BTG1: variants seen among roughly 807,000 people sequenced by gnomAD.
BTG1 encodes the protein BTG anti-proliferation factor 1.
BTG1 carries 2 observed loss-of-function variants against 15.2 expected under a neutral mutation model. That is an observed-to-expected ratio of 0.13 (90% CI 0.05 to 0.41). BTG1 has a LOEUF of 0.41. Ranked by LOEUF, BTG1 falls within the 10% of genes least tolerant of loss-of-function variation. The probability of loss-of-function intolerance (pLI) is 0.99; values close to 1 mark genes in which losing one functional copy is unlikely to be tolerated. For missense variants in BTG1, 149 were observed against 215.0 expected, an observed-to-expected ratio of 0.69 and a Z score of 1.92; for synonymous variants, 109 against 82.4, an observed-to-expected ratio of 1.32 and a Z score of -1.75.
chr12:92,143,955 C>G lies in BTG1; in HGVS notation c.*125G>C, dbSNP rs1447889503. On this transcript the variant is annotated 3_prime_UTR_variant, in exon 2 of 2. Coordinates refer to ENST00000256015, the MANE Select transcript of BTG1 (RefSeq NM_001731.3). ...ATTTTTTTTTTTTTTACCATTCTAT[C>G]TTGTGCCAGATCTTCACAGCTGTGA... 3 of 1,201,794 alleles carry G rather than the reference C, an allele frequency of 2.5e-6. No individual in the cohort carries two copies. The Admixed American group carries it at 7.3e-5, about 29-fold the overall frequency. The allele number at this position is 1,201,794 out of a possible 1,614,324, so 74.4% of individuals were successfully genotyped here. A position where few individuals can be genotyped will look rare whatever the true frequency, so the allele number is the denominator to read the frequency against.
At position 92,145,608 on chromosome 12, in the gene BTG1, C is replaced by G; in HGVS notation, c.-73G>C. On this transcript the variant is annotated 5_prime_UTR_variant, in exon 1 of 2. Coordinates refer to ENST00000256015, the MANE Select transcript of BTG1 (RefSeq NM_001731.3). ...CGGCCCCGACGGCGGAGCAGCCACCCCGGGCTTCCTCACCGGGCGGAAGGC... is the reference window on the plus strand; with the variant it reads ...CGGCCCCGACGGCGGAGCAGCCACCGCGGGCTTCCTCACCGGGCGGAAGGC... 3 of 1,106,582 alleles carry G rather than the reference C, an allele frequency of 2.7e-6. No individual in the cohort carries two copies. Among genetic ancestry groups the G allele is most frequent in the Non-Finnish European group, 3.5e-6 (3 of 862,066 alleles). 68.5% of individuals were successfully genotyped at this position (1,106,582 alleles called of 1,614,324 possible). A position where few individuals can be genotyped will look rare whatever the true frequency, so the allele number is the denominator to read the frequency against.
chr12:92,144,666 C>T (rs2136948919), intron 1 of BTG1, among the ~76,000 whole-genome samples: 1 of 152,172 alleles, frequency 6.6e-6, no homozygotes, highest in Admixed American at 6.5e-5. Context: ...TCTCCAGGAA[C>T]CAACCGGTTG....
Position 92,145,704 on chromosome 12 carries a change from T to C in BTG1, c.-169A>G, listed in dbSNP as rs1870545466. 1 of 395,088 alleles carries C rather than the reference T, an allele frequency of 2.5e-6. No individual in the cohort carries two copies. The highest frequency in any genetic ancestry group is 2.1e-5 in the African/African-American group (1 of 47,600). The allele number at this position is 395,088 out of a possible 1,614,324, so 24.5% of individuals were successfully genotyped here. Reference sequence around the variant, plus strand: ...TCTTTCTTTAGACTAAAAAAGTTATTTTCGAGACAGGAGGCGGCAGGAGAG... The same window carrying C: ...TCTTTCTTTAGACTAAAAAAGTTATCTTCGAGACAGGAGGCGGCAGGAGAG... On this transcript the variant is annotated 5_prime_UTR_variant, in exon 1 of 2. Transcript: ENST00000256015.
In BTG1 at chr12:92,140,697, T is replaced by C. The variant is rs1251976547; in HGVS notation, c.*3383A>G. ...TCCAAATATGAAAATAAACCGGTTATATTTTGATAGCAGCCATATATAAAA... is the reference window on the plus strand; with the variant it reads ...TCCAAATATGAAAATAAACCGGTTACATTTTGATAGCAGCCATATATAAAA... On this transcript the variant is annotated 3_prime_UTR_variant, in exon 2 of 2. Coordinates refer to ENST00000256015, the MANE Select transcript of BTG1 (RefSeq NM_001731.3). The C allele has an allele frequency of 1.3e-5, 3 of 232,072 alleles. No individual in the cohort carries two copies. The highest frequency in any genetic ancestry group is 4.4e-5 in the African/African-American group (2 of 45,294). 14.4% of individuals were successfully genotyped at this position (232,072 alleles called of 1,614,324 possible).
At position 92,145,418 on chromosome 12, in the gene BTG1, A is replaced by G; in HGVS notation, c.118T>C (p.Phe40Leu). The G allele has an allele frequency of 6.3e-7, 1 of 1,589,272 alleles. No individual in the cohort carries two copies. The highest frequency in any genetic ancestry group is 2.4e-5 in the East Asian group (1 of 41,132). Residue 40 changes from phenylalanine to leucine, a missense_variant, in exon 1 of 2, where the codon TTC becomes CTC. Physicochemically the swap from Phe to Leu is conservative, Grantham distance 22. Coordinates refer to ENST00000256015, the MANE Select transcript of BTG1 (RefSeq NM_001731.3). ...AGCAGCTCCTGCAGGCTCTGGCTGA[A>G]GGTCTGCAGCTGTCGCTCGCTCGTG... ...GLTSERQLQT[F>L]SQSLQELLAE...
rs751169743 is a variant in BTG1 at position 92,143,631 on chromosome 12, G to GT, written c.*448dup. 1 of 248,996 alleles carries GT rather than the reference G, an allele frequency of 4.0e-6. No individual in the cohort carries two copies. The highest frequency in any genetic ancestry group is 7.8e-6 in the Non-Finnish European group (1 of 128,398). 15.4% of individuals were successfully genotyped at this position (248,996 alleles called of 1,614,324 possible). On this transcript the variant is annotated 3_prime_UTR_variant, in exon 2 of 2. Coordinates refer to ENST00000256015, the MANE Select transcript of BTG1 (RefSeq NM_001731.3). ...AGGTAAAAGTCTTGTAAAATTTCCA[G>GT]TACTACCATGTTTAAAACGTTTAAC... is the stretch of plus-strand genomic sequence containing the variant.
At chr12:92,145,234 GT>G in intron 1 of BTG1, 153 bp downstream of exon 1, 1 of 1,200,248 alleles carries the variant, frequency 8.3e-7, no homozygotes, top group East Asian at 3.2e-5. Context: ...GGGAACCGCT[GT>G]TAGCGGCCAC....
At position 92,141,147 on chromosome 12, in the gene BTG1, G is replaced by A. The variant is rs893003767; in HGVS notation, c.*2933C>T. On this transcript the variant is annotated 3_prime_UTR_variant, in exon 2 of 2. Coordinates refer to ENST00000256015, the MANE Select transcript of BTG1 (RefSeq NM_001731.3). ...ACGGCTTCCTTCCTTTTAACTTGAAGGCCAATTTCATAAACTGCAACACCT... is the reference window on the plus strand; with the variant it reads ...ACGGCTTCCTTCCTTTTAACTTGAAAGCCAATTTCATAAACTGCAACACCT... The A allele has an allele frequency of 1.3e-5, 3 of 232,584 alleles. No individual in the cohort carries two copies. The highest frequency in any genetic ancestry group is 2.5e-5 in the Non-Finnish European group (3 of 117,732). The allele number at this position is 232,584 out of a possible 1,614,324, so 14.4% of individuals were successfully genotyped here.
chr12:92,142,491 A>G lies in BTG1; in HGVS notation c.*1589T>C. 4.3e-6 allele frequency: 1 copy of G among 232,476 alleles called. No homozygotes were observed. The highest frequency in any genetic ancestry group is 8.5e-6 in the Non-Finnish European group (1 of 117,560). The allele number at this position is 232,476 out of a possible 1,614,324, so 14.4% of individuals were successfully genotyped here. The stretch of plus-strand genomic sequence containing the variant: ...ATGGGGTAGTGAAGTAATCTACACT[A>G]CAGCATTATCAAGGTTCACTTAGGT... On this transcript the variant is annotated 3_prime_UTR_variant, in exon 2 of 2. Transcript: ENST00000256015.
rs907892097 is a variant in BTG1, at chr12:92,142,401, C to T, written c.*1679G>A. On this transcript the variant is annotated 3_prime_UTR_variant, in exon 2 of 2. Coordinates refer to ENST00000256015, the MANE Select transcript of BTG1 (RefSeq NM_001731.3). ...TGTGTAGAGCAAAATTCAATTTTTC[C>T]ACTTTCAATTTCCACTGAAAAACGC... 9 of 231,020 alleles carry T rather than the reference C, an allele frequency of 3.9e-5. No homozygotes were observed. Among genetic ancestry groups the T allele is most frequent in the African/African-American group, 2.0e-4 (9 of 45,044 alleles). 14.3% of individuals were successfully genotyped at this position (231,020 alleles called of 1,614,324 possible).
intron 1 of BTG1, chr12:92,145,180 T>TG (rs376111572): frequency 7.6e-6 from 5 of 658,564 alleles, no homozygotes; most frequent in Admixed American, 4.5e-5. Flanking sequence ...TTTTGCCAGC[T>TG]GGGGGGAAGG....
In BTG1 at chr12:92,140,459, A is replaced by G. The variant is rs919573705; in HGVS notation, c.*3621T>C. On this transcript the variant is annotated 3_prime_UTR_variant, in exon 2 of 2. Transcript: ENST00000256015. ...GCTTACTTGTTTAGGAGCATTTCAA[A>G]AATATAACACTTAACATCAGAAGAA... The G allele has an allele frequency of 7.9e-5, 18 of 227,508 alleles. No homozygotes were observed. The highest frequency in any genetic ancestry group is 3.8e-4 in the African/African-American group (17 of 45,040). 14.1% of individuals were successfully genotyped at this position (227,508 alleles called of 1,614,324 possible).
chr12:92,145,272 C>G, intron 1 of BTG1, 116 bp downstream of exon 1: 1 of 1,309,148 alleles, frequency 7.6e-7, no homozygotes, highest in Non-Finnish European at 9.8e-7. Context: ...GGTCCCGCGG[C>G]GGGGCCCAAG....
rs1307333410 is a variant in BTG1 at position 92,144,302 on chromosome 12, G to A, written c.294C>T (p.Leu98=). ...GLSSQELFRL[L]PSELTLWVDP... ...CAACCCAGAGTGTGAGTTCACTTGGGAGAAGCCTGAACAGCTCCTGACTGC... is the reference window on the plus strand; with the variant it reads ...CAACCCAGAGTGTGAGTTCACTTGGAAGAAGCCTGAACAGCTCCTGACTGC... Residue 98 remains leucine (L), a synonymous_variant, in exon 2 of 2, where the codon CTC becomes CTT. Coordinates refer to ENST00000256015, the MANE Select transcript of BTG1 (RefSeq NM_001731.3). 4 of 1,614,092 alleles carry A rather than the reference G, an allele frequency of 2.5e-6. No homozygotes were observed. Among genetic ancestry groups the A allele is most frequent in the African/African-American group, 1.3e-5 (1 of 74,940 alleles).
rs939596230 is a variant in BTG1 at position 92,141,031 on chromosome 12, C to T, written c.*3049G>A. 8.6e-6 allele frequency: 2 copies of T among 232,608 alleles called. No homozygotes were observed. The highest frequency in any genetic ancestry group is 2.2e-5 in the African/African-American group (1 of 45,312). The allele number at this position is 232,608 out of a possible 1,614,324, so 14.4% of individuals were successfully genotyped here. A position where few individuals can be genotyped will look rare whatever the true frequency, so the allele number is the denominator to read the frequency against. Reference sequence around the variant, plus strand: ...AGAGTATCAGAAATGTTAAAAGTCACGCAGGGAGAAGTCCAATAGTAGATT... The same window carrying T: ...AGAGTATCAGAAATGTTAAAAGTCATGCAGGGAGAAGTCCAATAGTAGATT... On this transcript the variant is annotated 3_prime_UTR_variant, in exon 2 of 2. Transcript: ENST00000256015.
At position 92,144,463 on chromosome 12, in the gene BTG1, A is replaced by G; in HGVS notation, c.149-16T>C. ...TTATAATGTTCTATAGAAGAAAAGAAGAACAGAGAAACAACGCTTAGGATC... is the reference window on the plus strand; with the variant it reads ...TTATAATGTTCTATAGAAGAAAAGAGGAACAGAGAAACAACGCTTAGGATC... On this transcript the variant is annotated splice_polypyrimidine_tract_variant and intron_variant, in intron 1 of 1. Transcript: ENST00000256015. 8.7e-6 allele frequency: 14 copies of G among 1,610,300 alleles called. No homozygotes were observed. Among genetic ancestry groups the G allele is most frequent in the Non-Finnish European group, 1.2e-5 (14 of 1,179,064 alleles).
In BTG1 at chr12:92,143,581, G is replaced by A. The variant is rs1870388874; in HGVS notation, c.*499C>T. The A allele has an allele frequency of 4.2e-6, 1 of 236,412 alleles. No individual in the cohort carries two copies. Among genetic ancestry groups the A allele is most frequent in the African/African-American group, 2.2e-5 (1 of 45,328 alleles). 14.6% of individuals were successfully genotyped at this position (236,412 alleles called of 1,614,324 possible). A position where few individuals can be genotyped will look rare whatever the true frequency, so the allele number is the denominator to read the frequency against. ...GTCATGCTTACTAGTTTGTCTTTAT[G>A]TACATTTATACATATTTAAGTGCTA... On this transcript the variant is annotated 3_prime_UTR_variant, in exon 2 of 2. Coordinates refer to ENST00000256015, the MANE Select transcript of BTG1 (RefSeq NM_001731.3).
intron 1 of BTG1, 113 bp downstream of exon 1, chr12:92,145,275 G>A (rs890146474): frequency 1.5e-6 from 2 of 1,315,288 alleles, no homozygotes; most frequent in Middle Eastern, 2.9e-4. Context: ...CCCGCGGCGG[G>A]GCCCAAGCGC....
Position 92,143,397 on chromosome 12 carries a change from A to G in BTG1, c.*683T>C, listed in dbSNP as rs1487677141. The G allele has an allele frequency of 4.3e-6, 1 of 233,290 alleles. No individual in the cohort carries two copies. The highest frequency in any genetic ancestry group is 8.5e-6 in the Non-Finnish European group (1 of 117,868). The allele number at this position is 233,290 out of a possible 1,614,324, so 14.5% of individuals were successfully genotyped here. ...GAAGTTTACTCAGTCTTAGAAAACTACAAGCTAGCAAATGTACAGAGAGCT... is the reference window on the plus strand; with the variant it reads ...GAAGTTTACTCAGTCTTAGAAAACTGCAAGCTAGCAAATGTACAGAGAGCT... On this transcript the variant is annotated 3_prime_UTR_variant, in exon 2 of 2. Coordinates refer to ENST00000256015, the MANE Select transcript of BTG1 (RefSeq NM_001731.3).
Sources: gnomAD v4.1 joint callset for allele counts (sites outside exome capture counted in the v4.1 genomes callset) on GRCh38, gnomAD v4.1.1 for gene constraint, MANE v1.5 for transcripts, NCBI Gene and HGNC (gene_info 2026-07-23, HGNC 2026-07-21) for gene names.